The following TAFA1 variants were observed in gnomAD, a reference collection of about 807,000 sequenced individuals.
TAFA1 encodes the protein chemokine-like protein TAFA-1.
A neutral mutation model predicts 18.5 loss-of-function variants in TAFA1; 4 were observed. The observed-to-expected ratio is 0.22, with a 90% CI of 0.11 to 0.49. The LOEUF is 0.49. Among genes scored for constraint, TAFA1 ranks in the 20% least tolerant of loss-of-function variants. The probability of loss-of-function intolerance (pLI) is 0.98; values close to 1 mark genes in which losing one functional copy is unlikely to be tolerated. For synonymous variants in TAFA1, 56 were observed against 55.2 expected (o/e 1.01, Z -0.06); for missense variants, 147 against 169.0 (o/e 0.87, Z 0.72).
At chr3:68,167,079 A>T (rs1169426347) in intron 2 of TAFA1, among the ~76,000 whole-genome samples, 2 of 152,132 alleles carry the variant, frequency 1.3e-5, no homozygotes. Context: ...AGGAATTTTC[A>T]CTATTATTCA....
intron 2 of TAFA1, among the ~76,000 whole-genome samples, chr3:68,230,281 C>T (rs959393757): frequency 7.9e-5 from 12 of 151,678 alleles, no homozygotes; most frequent in African/African-American, 2.9e-4. Context: ...CCCCAATGAA[C>T]CTTCCCTGAC....
At chr3:68,075,637 C>CCAAT (rs2064813740) in intron 2 of TAFA1, among the ~76,000 whole-genome samples, 1 of 151,824 alleles carries the variant, frequency 6.6e-6, no homozygotes, top group Admixed American at 6.6e-5. Context: ...AAAAATGAAG[C>CCAAT]CAATGTCAAA....
At position 68,417,342 on chromosome 3, in the gene TAFA1, C is replaced by T. The variant is rs550621255; in HGVS notation, c.181C>T (p.Arg61Trp). 43 of 1,613,162 alleles carry T rather than the reference C, an allele frequency of 2.7e-5. 1 individual carries two copies. Among genetic ancestry groups the T allele is most frequent in the South Asian group, 7.7e-5 (7 of 91,034 alleles). ...TTGTAACAAGAATCGCATTGAGGAGCGGTCACAAACAGTAAAGTGTTCCTG... is the reference window on the plus strand; with the variant it reads ...TTGTAACAAGAATCGCATTGAGGAGTGGTCACAAACAGTAAAGTGTTCCTG... ...RCCNKNRIEE[R>W]SQTVKCSCLP... Residue 61 changes from arginine to tryptophan, a missense_variant, in exon 3 of 5, where the codon CGG becomes TGG. By Grantham distance (101) the Arg-to-Trp change is moderately radical. Coordinates refer to ENST00000478136, the MANE Select transcript of TAFA1 (RefSeq NM_213609.4).
chr3:68,372,581 G>A (rs1224670493), intron 2 of TAFA1, among the ~76,000 whole-genome samples: 1 of 152,140 alleles, frequency 6.6e-6, no homozygotes, highest in Admixed American at 6.6e-5. Context: ...AAATAGCCTA[G>A]CATGCAACCA....
At chr3:68,508,721 C>A (rs1450762326) in intron 3 of TAFA1, among the ~76,000 whole-genome samples, 1 of 151,910 alleles carries the variant, frequency 6.6e-6, no homozygotes, top group African/African-American at 2.4e-5. Context: ...ATAATATATA[C>A]AAAATCAGGA....
At chr3:68,210,127 T>G (rs1223419420) in intron 2 of TAFA1, among the ~76,000 whole-genome samples, 1 of 151,960 alleles carries the variant, frequency 6.6e-6, no homozygotes, top group African/African-American at 2.4e-5. Flanking sequence ...TTTTTGAAGG[T>G]TTTTCTATTG....
chr3:68,302,724 C>A (rs770193950), intron 2 of TAFA1, among the ~76,000 whole-genome samples: 5 of 152,244 alleles, frequency 3.3e-5, no homozygotes, highest in Admixed American at 2.6e-4. Context: ...ACAGGAAATA[C>A]CTCCTGGCCA....
At chr3:68,118,464 C>A (rs757684549) in intron 2 of TAFA1, among the ~76,000 whole-genome samples, 1 of 152,110 alleles carries the variant, frequency 6.6e-6, no homozygotes, top group Admixed American at 6.5e-5. Context: ...AGGTAACGGA[C>A]TGGTACTGGT....
At chr3:68,211,769 C>T (rs1575682640) in intron 2 of TAFA1, among the ~76,000 whole-genome samples, 3 of 151,924 alleles carry the variant, frequency 2.0e-5, no homozygotes, top group African/African-American at 7.2e-5. Context: ...AGAGGTGAGG[C>T]AAGAGAGAGA....
intron 2 of TAFA1, among the ~76,000 whole-genome samples, chr3:68,289,732 G>A (rs2068076275): frequency 6.6e-6 from 1 of 152,164 alleles, no homozygotes; most frequent in African/African-American, 2.4e-5. Context: ...AATAGAATGA[G>A]GAATGAGGGA....
chr3:68,041,228 CTG>C (rs1439405327), intron 2 of TAFA1, among the ~76,000 whole-genome samples: 1 of 152,200 alleles, frequency 6.6e-6, no homozygotes, highest in Non-Finnish European at 1.5e-5. Flanking sequence ...CCGAAAGACT[CTG>C]TGTTGAGATT....
intron 2 of TAFA1, among the ~76,000 whole-genome samples, chr3:68,054,562 G>T (rs62245878): frequency 6.6e-6 from 1 of 152,162 alleles, no homozygotes; most frequent in Non-Finnish European, 1.5e-5. Flanking sequence ...GTGGCCTGTG[G>T]ACCAAATCTG....
intron 2 of TAFA1, among the ~76,000 whole-genome samples, chr3:68,370,485 T>C (rs1396176766): frequency 2.3e-5 from 2 of 86,792 alleles, no homozygotes; most frequent in Non-Finnish European, 2.3e-5. Flanking sequence ...TATATATATA[T>C]ATATATATAT....
intron 2 of TAFA1, among the ~76,000 whole-genome samples, chr3:68,328,187 C>T (rs2068807579): frequency 1.3e-5 from 2 of 152,050 alleles, no homozygotes; most frequent in South Asian, 4.2e-4. Flanking sequence ...TTCTACATGC[C>T]TGGTTTTCAT....
chr3:68,245,149 G>A (rs987261095), intron 2 of TAFA1, among the ~76,000 whole-genome samples: 32 of 152,118 alleles, frequency 2.1e-4, no homozygotes, highest in African/African-American at 7.2e-4. Flanking sequence ...ATTTGACCAG[G>A]CATTTGACAT....
intron 2 of TAFA1, among the ~76,000 whole-genome samples, chr3:68,305,297 C>A (rs2068384070): frequency 6.7e-6 from 1 of 149,908 alleles, no homozygotes; most frequent in South Asian, 2.1e-4. Flanking sequence ...ACCCTAATGA[C>A]CTCATCTTAA....
At chr3:68,228,735 T>C (rs1355094606) in intron 2 of TAFA1, among the ~76,000 whole-genome samples, 1 of 152,236 alleles carries the variant, frequency 6.6e-6, no homozygotes, top group Non-Finnish European at 1.5e-5. Context: ...AACAATTCTT[T>C]GCTTCTTAGT....
chr3:68,134,904 A>G (rs377752205), intron 2 of TAFA1, among the ~76,000 whole-genome samples: 2 of 152,232 alleles, frequency 1.3e-5, no homozygotes, highest in East Asian at 1.9e-4. Context: ...CCCAAATAAT[A>G]GTGGCTTAAA....
chr3:68,002,036 T>C (rs1300853919), upstream of TAFA1, among the ~76,000 whole-genome samples: 1 of 152,108 alleles, frequency 6.6e-6, no homozygotes, highest in Non-Finnish European at 1.5e-5. Flanking sequence ...TACCCAACCC[T>C]AAAGGGATCA....
Sources: gnomAD v4.1 joint callset for allele counts (sites outside exome capture counted in the v4.1 genomes callset) on GRCh38, gnomAD v4.1.1 for gene constraint, MANE v1.5 for transcripts, NCBI Gene and HGNC (gene_info 2026-07-23, HGNC 2026-07-21) for gene names.